Variants in ACTR3C observed in about 807,000 individuals in gnomAD.
ACTR3C encodes actin related protein 3C.
In ACTR3C, 18 loss-of-function variants were observed where a neutral mutation model predicts 26.3. That is an observed-to-expected ratio of 0.68 (90% CI 0.47 to 1.01). The LOEUF is 1.01. Ranked by LOEUF, ACTR3C falls within the 50% of genes least tolerant of loss-of-function variation. The probability of loss-of-function intolerance (pLI) is 0.00; values close to 1 mark genes in which losing one functional copy is unlikely to be tolerated. For missense variants in ACTR3C, 184 were observed against 250.7 expected (o/e 0.73, Z 1.80); for synonymous variants, 55 against 94.5 (o/e 0.58, Z 2.42).
At chr7:150,141,607 G>A in the ACTR3C span, among the ~76,000 whole-genome samples, 4 of 152,102 alleles carry the variant, frequency 2.6e-5, no homozygotes, top group East Asian at 7.7e-4. Context: ...TGGGAACGGA[G>A]AGGAGGCCAG....
At chr7:150,044,586 C>T in the ACTR3C span, among the ~76,000 whole-genome samples, 1 of 152,206 alleles carries the variant, frequency 6.6e-6, no homozygotes, top group Non-Finnish European at 1.5e-5. Flanking sequence ...ATTATTAATT[C>T]TAGCCATTCT....
At chr7:150,129,845 T>C in the ACTR3C span, among the ~76,000 whole-genome samples, 2 of 152,216 alleles carry the variant, frequency 1.3e-5, no homozygotes, top group South Asian at 4.1e-4. Context: ...CTAAAATTTA[T>C]ATTGAAACAT....
chr7:150,075,496 A>G, the ACTR3C span, among the ~76,000 whole-genome samples: 4 of 151,960 alleles, frequency 2.6e-5, no homozygotes, highest in Admixed American at 6.6e-5. Context: ...CAAAGGAGGG[A>G]AATAATCAGG....
At chr7:150,038,665 G>A in the ACTR3C span, among the ~76,000 whole-genome samples, 3 of 144,440 alleles carry the variant, frequency 2.1e-5, no homozygotes, top group Non-Finnish European at 3.1e-5. Context: ...ACGTAAGGTC[G>A]GAAGATTTGA....
At chr7:149,896,166 C>T in the ACTR3C span, among the ~76,000 whole-genome samples, 1 of 152,202 alleles carries the variant, frequency 6.6e-6, no homozygotes, top group Non-Finnish European at 1.5e-5. Flanking sequence ...GCCTGGGTAA[C>T]AGAACAAGAC....
downstream of ACTR3C, chr7:150,246,500 A>G (rs183950834): frequency 9.8e-5 from 15 of 152,342 alleles, no homozygotes; most frequent in Admixed American, 7.8e-4. Context: ...TTGATTTGCA[A>G]TGGTGAACTG....
chr7:149,986,043 C>T, the ACTR3C span, among the ~76,000 whole-genome samples: 1 of 151,890 alleles, frequency 6.6e-6, no homozygotes, highest in African/African-American at 2.4e-5. Flanking sequence ...GATCCCCAGA[C>T]CCTGGAAGGT....
chr7:150,236,177 G>T, the ACTR3C span, among the ~76,000 whole-genome samples: 1 of 152,202 alleles, frequency 6.6e-6, no homozygotes, highest in Admixed American at 6.5e-5. Flanking sequence ...TCTGGGAGAA[G>T]CACGAATTGA....
the ACTR3C span, among the ~76,000 whole-genome samples, chr7:149,942,980 T>C: frequency 6.6e-6 from 1 of 151,960 alleles, no homozygotes; most frequent in South Asian, 2.1e-4. Context: ...AAACTCTAAA[T>C]GCTCTAACCA....
chr7:150,050,540 A>G, the ACTR3C span, among the ~76,000 whole-genome samples: 2 of 152,234 alleles, frequency 1.3e-5, no homozygotes, highest in Admixed American at 6.5e-5. Flanking sequence ...GCAACAGGGG[A>G]AAGAGTTGAA....
Position 150,289,473 on chromosome 7 carries a change from G to T in ACTR3C, c.274C>A (p.Leu92Met). ...ACCTTAATGGCTTTTGCGGTCTCCA[G>T]TGACTGCTCAGGAGGGATTCCCACC... ...REVGIPPEQS[L>M]ETAKAIKEKY... is the part of the protein sequence containing the mutation. The change falls in exon 4 of 8, where the codon CTG (leucine) becomes ATG (methionine). Residue 92 changes from leucine to methionine, a missense_variant. By Grantham distance (15) the Leu-to-Met change is conservative. Transcript: ENST00000683684. 6.3e-7 allele frequency: 1 copy of T among 1,585,832 alleles called. No homozygotes were observed. Among genetic ancestry groups the T allele is most frequent in the Non-Finnish European group, 8.6e-7 (1 of 1,168,314 alleles).
the ACTR3C span, among the ~76,000 whole-genome samples, chr7:150,172,253 AG>A: frequency 6.6e-6 from 1 of 150,706 alleles, no homozygotes; most frequent in African/African-American, 2.5e-5. Context: ...ACCCAAGACT[AG>A]GAAGAAAAGG....
chr7:149,907,432 A>ACATCTT, the ACTR3C span, among the ~76,000 whole-genome samples: 1 of 143,156 alleles, frequency 7.0e-6, no homozygotes, highest in Non-Finnish European at 1.5e-5. Context: ...TTCTGCCCGA[A>ACATCTT]CATCTTCTAA....
At chr7:150,068,673 C>T in the ACTR3C span, among the ~76,000 whole-genome samples, 2 of 148,876 alleles carry the variant, frequency 1.3e-5, no homozygotes, top group South Asian at 4.3e-4. Flanking sequence ...GTCCCAGCTA[C>T]TCGGGAGGCT....
At chr7:150,147,852 A>AT in the ACTR3C span, among the ~76,000 whole-genome samples, 4 of 127,542 alleles carry the variant, frequency 3.1e-5, no homozygotes, top group Admixed American at 7.7e-5. Flanking sequence ...CTTCTGGATG[A>AT]TTAAAAAAAA....
the ACTR3C span, among the ~76,000 whole-genome samples, chr7:150,104,380 A>T: frequency 2.4e-4 from 37 of 152,202 alleles, no homozygotes; most frequent in Non-Finnish European, 3.7e-4. Context: ...AATAATTTTT[A>T]AAAAAGTTCA....
chr7:149,895,863 A>T, the ACTR3C span, among the ~76,000 whole-genome samples: 2 of 152,110 alleles, frequency 1.3e-5, no homozygotes, highest in South Asian at 2.1e-4. Context: ...TAATTAAAAA[A>T]ATTTTTAAAA....
At chr7:150,253,957 C>G (rs1386591183) in intron 6 of ACTR3C, among the ~76,000 whole-genome samples, 1 of 151,658 alleles carries the variant, frequency 6.6e-6, no homozygotes, top group East Asian at 1.9e-4. Flanking sequence ...TGGGTATAGA[C>G]TCAGTCAGTA....
At chr7:150,181,940 A>C in the ACTR3C span, among the ~76,000 whole-genome samples, 4,951 of 150,482 alleles carry the variant, frequency 0.033, 513 homozygotes, top group African/African-American at 0.09. Flanking sequence ...ACAGCCCTGC[A>C]CTCATGGAGC....
Sources: allele counts gnomAD v4.1 joint callset (sites outside exome capture counted in the v4.1 genomes callset), GRCh38; gene constraint gnomAD v4.1.1; transcripts MANE v1.5; gene names NCBI Gene and HGNC (gene_info 2026-07-23, HGNC 2026-07-21).